Variants in GRM5 observed in about 807,000 individuals in gnomAD.
GRM5 encodes glutamate metabotropic receptor 5, also known as metabotropic glutamate receptor 5.
GRM5 carries 19 observed loss-of-function variants against 83.1 expected under a neutral mutation model. The observed-to-expected ratio is 0.23, with a 90% CI of 0.16 to 0.34. GRM5 has a LOEUF of 0.34. GRM5 is among the 10% of genes least tolerant of loss of function. The probability of loss-of-function intolerance (pLI) is 1.00; values close to 1 mark genes in which losing one functional copy is unlikely to be tolerated. For synonymous variants in GRM5, 675 were observed against 633.6 expected, an observed-to-expected ratio of 1.07 and a Z score of -0.98; for missense variants, 1,160 against 1,588.3, an observed-to-expected ratio of 0.73 and a Z score of 4.58.
chr11:89,028,245 C>T (rs991944738), intron 2 of GRM5, among the ~76,000 whole-genome samples: 1 of 152,142 alleles, frequency 6.6e-6, no homozygotes, highest in Admixed American at 6.6e-5. Context: ...AACATCCACG[C>T]AGCACTTATC....
At chr11:88,584,295 C>T (rs1282008210) in intron 7 of GRM5, among the ~76,000 whole-genome samples, 2 of 151,864 alleles carry the variant, frequency 1.3e-5, no homozygotes, top group African/African-American at 4.8e-5. Flanking sequence ...CCTTTCTTCT[C>T]TTACTAGATG....
intron 4 of GRM5, among the ~76,000 whole-genome samples, chr11:88,638,087 T>G (rs1022288816): frequency 7.0e-6 from 1 of 142,760 alleles, no homozygotes; most frequent in African/African-American, 2.6e-5. Context: ...TTCTCACTCT[T>G]AGGTGGGAAT....
chr11:89,026,336 T>G (rs1172075204), intron 2 of GRM5, among the ~76,000 whole-genome samples: 1 of 152,138 alleles, frequency 6.6e-6, no homozygotes, highest in Non-Finnish European at 1.5e-5. Context: ...GGAAAAAATT[T>G]AGAGAAAAAT....
chr11:88,675,710 G>T (rs1361527789), intron 3 of GRM5, among the ~76,000 whole-genome samples: 2 of 151,974 alleles, frequency 1.3e-5, no homozygotes, highest in Non-Finnish European at 2.9e-5. Context: ...TCCCCAGTTA[G>T]TTACTCTGTT....
chr11:89,050,324 C>T (rs1302146689), intron 1 of GRM5, among the ~76,000 whole-genome samples: 1 of 152,140 alleles, frequency 6.6e-6, no homozygotes, highest in South Asian at 2.1e-4. Flanking sequence ...CCCATCTATT[C>T]ATTAACTCAC....
chr11:88,876,282 C>G (rs187258362), intron 2 of GRM5, among the ~76,000 whole-genome samples: 1 of 152,252 alleles, frequency 6.6e-6, no homozygotes, highest in Non-Finnish European at 1.5e-5. Context: ...ACTCTGCTAG[C>G]TGCAATCTTT....
At chr11:88,761,193 C>T (rs969235094) in intron 3 of GRM5, among the ~76,000 whole-genome samples, 3 of 152,104 alleles carry the variant, frequency 2.0e-5, no homozygotes, top group Admixed American at 6.6e-5. Flanking sequence ...ATTCGAAGTC[C>T]TGGCCAGAGA....
intron 3 of GRM5, among the ~76,000 whole-genome samples, chr11:88,840,832 T>C (rs978990764): frequency 6.6e-6 from 1 of 152,252 alleles, no homozygotes; most frequent in East Asian, 1.9e-4. Context: ...ACTCATGAGG[T>C]TCTGGGCGGT....
chr11:88,920,876 A>G (rs1945678980), intron 2 of GRM5, among the ~76,000 whole-genome samples: 1 of 152,190 alleles, frequency 6.6e-6, no homozygotes, highest in South Asian at 2.1e-4. Flanking sequence ...CCAATGGAAA[A>G]TAGGAACAAA....
intron 4 of GRM5, among the ~76,000 whole-genome samples, chr11:88,616,837 GT>G (rs1434454871): frequency 6.6e-6 from 1 of 152,136 alleles, no homozygotes; most frequent in Non-Finnish European, 1.5e-5. Flanking sequence ...CTAAGGCTCA[GT>G]TTTGCTGTCT....
chr11:88,857,255 C>A (rs1229857785), intron 2 of GRM5, among the ~76,000 whole-genome samples: 8 of 152,014 alleles, frequency 5.3e-5, no homozygotes, highest in Non-Finnish European at 1.0e-4. Context: ...TTCACCATTA[C>A]TGGTTATTGT....
chr11:88,580,254 G>T (rs1341437647), intron 7 of GRM5, among the ~76,000 whole-genome samples: 1 of 152,144 alleles, frequency 6.6e-6, no homozygotes, highest in Non-Finnish European at 1.5e-5. Flanking sequence ...TTTAAGTCTG[G>T]AGATTAGGTG....
intron 2 of GRM5, among the ~76,000 whole-genome samples, chr11:89,000,364 C>T (rs1377276271): frequency 6.6e-6 from 1 of 152,090 alleles, no homozygotes. Context: ...GGCAGAGGAA[C>T]AGACACAGGT....
intron 7 of GRM5, among the ~76,000 whole-genome samples, chr11:88,571,584 A>G (rs1943002470): frequency 6.6e-6 from 1 of 152,198 alleles, no homozygotes; most frequent in Non-Finnish European, 1.5e-5. Context: ...CTAAACTCAG[A>G]AGATTTTGAG....
intron 8 of GRM5, among the ~76,000 whole-genome samples, chr11:88,537,396 C>A (rs147826834): frequency 6.6e-6 from 1 of 152,184 alleles, no homozygotes; most frequent in African/African-American, 2.4e-5. Flanking sequence ...AGCTGACAAT[C>A]AGTTTCGATG....
intron 2 of GRM5, among the ~76,000 whole-genome samples, chr11:89,027,684 TTC>T (rs1364973736): frequency 1.3e-5 from 2 of 152,212 alleles, no homozygotes; most frequent in African/African-American, 4.8e-5. Flanking sequence ...TATTTAGCAT[TTC>T]TGTTTTCATT....
rs764067679 is a variant in GRM5, at chr11:88,509,312, G to A, written c.2919C>T (p.Gly973=). The A allele has an allele frequency of 9.6e-6, 15 of 1,568,492 alleles. No homozygotes were observed. The South Asian group carries it at 1.3e-4, about 13-fold the overall frequency. The change falls in exon 10 of 10, where the codon GGC becomes GGT. Residue 973 remains glycine, a synonymous_variant. Transcript: ENST00000305447. ...AGAGAGGSAG[G]VGATGGAGCA... ...AGCCCGCACCGCCCGTGGCCCCCAC[G>A]CCCCCAGCGCTCCCGCCTGCGCCAG...
At chr11:88,747,883 G>T (rs1300782662) in intron 3 of GRM5, among the ~76,000 whole-genome samples, 1 of 152,128 alleles carries the variant, frequency 6.6e-6, no homozygotes, top group African/African-American at 2.4e-5. Context: ...GCTGTGGTCT[G>T]CAGCACTCAT....
intron 3 of GRM5, among the ~76,000 whole-genome samples, chr11:88,737,172 A>G (rs938744506): frequency 1.3e-5 from 2 of 152,078 alleles, no homozygotes; most frequent in East Asian, 1.9e-4. Context: ...AAGATGATAC[A>G]TTCTCATAAG....
Sources: gnomAD v4.1 joint callset for allele counts (sites outside exome capture counted in the v4.1 genomes callset) on GRCh38, gnomAD v4.1.1 for gene constraint, MANE v1.5 for transcripts, NCBI Gene and HGNC (gene_info 2026-07-23, HGNC 2026-07-21) for gene names.